Variants in HS2ST1 observed in about 807,000 individuals in gnomAD.
HS2ST1 encodes the protein 2-O-sulfotransferase.
HS2ST1 carries 18 observed loss-of-function variants against 42.9 expected under a neutral mutation model. That is an observed-to-expected ratio of 0.42 (90% CI 0.29 to 0.62). HS2ST1 has a LOEUF of 0.62. Ranked by LOEUF, HS2ST1 falls within the 20% of genes least tolerant of loss-of-function variation. The pLI is 0.21. For missense variants in HS2ST1, 334 were observed against 433.8 expected (o/e 0.77, Z 2.04); for synonymous variants, 146 against 152.9 (o/e 0.95, Z 0.33).
At chr1:87,016,963 C>G (rs1478039680) in intron 1 of HS2ST1, among the ~76,000 whole-genome samples, 1 of 151,542 alleles carries the variant, frequency 6.6e-6, no homozygotes, top group African/African-American at 2.4e-5. Flanking sequence ...CTTTAGGGTG[C>G]CTTAGGCACC....
intron 5 of HS2ST1, among the ~76,000 whole-genome samples, chr1:87,102,752 CTT>C (rs1652247167): frequency 6.6e-6 from 1 of 152,054 alleles, no homozygotes; most frequent in African/African-American, 2.4e-5. Flanking sequence ...CCCTCCCCCT[CTT>C]TGTTTTTTTT....
At chr1:87,062,844 C>T (rs537492362) in intron 1 of HS2ST1, among the ~76,000 whole-genome samples, 1 of 152,070 alleles carries the variant, frequency 6.6e-6, no homozygotes, top group Non-Finnish European at 1.5e-5. Flanking sequence ...AACATTGTGC[C>T]ACTTCCTATT....
At chr1:87,037,934 C>G (rs1158394571) in intron 1 of HS2ST1, among the ~76,000 whole-genome samples, 1 of 151,874 alleles carries the variant, frequency 6.6e-6, no homozygotes, top group Admixed American at 6.6e-5. Flanking sequence ...GAACATTTTT[C>G]TTCATATTTT....
chr1:87,017,580 A>T (rs1310422927), intron 1 of HS2ST1, among the ~76,000 whole-genome samples: 1 of 152,244 alleles, frequency 6.6e-6, no homozygotes, highest in African/African-American at 2.4e-5. Context: ...AAGAGAAGAC[A>T]GCGGGCACAG....
intron 3 of HS2ST1, among the ~76,000 whole-genome samples, chr1:87,086,190 G>A (rs1162433561): frequency 2.6e-5 from 4 of 152,086 alleles, no homozygotes; most frequent in African/African-American, 4.8e-5. Flanking sequence ...GATTACAGTC[G>A]TTCCTGGGGT....
chr1:87,069,443 T>C (rs1651345349), intron 1 of HS2ST1, among the ~76,000 whole-genome samples: 1 of 152,176 alleles, frequency 6.6e-6, no homozygotes, highest in South Asian at 2.1e-4. Flanking sequence ...AAAAAAAGAA[T>C]TATAACTATC....
At chr1:87,007,094 A>T in intron 1 of HS2ST1, among the ~76,000 whole-genome samples, 1 of 152,086 alleles carries the variant, frequency 6.6e-6, no homozygotes, top group East Asian at 1.9e-4. Context: ...TTCTGTATAG[A>T]TTATACCTAA....
intron 1 of HS2ST1, among the ~76,000 whole-genome samples, chr1:86,922,169 G>T (rs1350702329): frequency 1.4e-5 from 2 of 145,256 alleles, no homozygotes; most frequent in East Asian, 2.0e-4. Context: ...CTTTGTTGTT[G>T]TTTTTTTTTT....
intron 1 of HS2ST1, among the ~76,000 whole-genome samples, chr1:86,936,797 A>G (rs1660663280): frequency 6.6e-6 from 1 of 152,096 alleles, no homozygotes; most frequent in Non-Finnish European, 1.5e-5. Context: ...TGGAACTGGC[A>G]TTCCAGAATG....
intron 1 of HS2ST1, among the ~76,000 whole-genome samples, chr1:87,013,759 T>G (rs1649671173): frequency 6.6e-6 from 1 of 152,200 alleles, no homozygotes; most frequent in Admixed American, 6.5e-5. Context: ...TGTAAGTACA[T>G]AAAGCTGAAT....
intron 1 of HS2ST1, among the ~76,000 whole-genome samples, chr1:86,991,294 C>A (rs1364417148): frequency 6.6e-6 from 1 of 152,100 alleles, no homozygotes; most frequent in Non-Finnish European, 1.5e-5. Context: ...GGTAGCCCCC[C>A]TGAACATGAA....
chr1:87,034,768 A>G (rs777382928), intron 1 of HS2ST1, among the ~76,000 whole-genome samples: 13 of 152,232 alleles, frequency 8.5e-5, no homozygotes, highest in Non-Finnish European at 1.9e-4. Context: ...AAAGAGCCAG[A>G]TATGCCCATT....
At chr1:87,095,912 T>C (rs1465070708) in intron 4 of HS2ST1, among the ~76,000 whole-genome samples, 26 of 151,904 alleles carry the variant, frequency 1.7e-4, no homozygotes, top group Admixed American at 1.7e-3. Flanking sequence ...GTGGCATCGG[T>C]TTACATTTTT....
intron 2 of HS2ST1, among the ~76,000 whole-genome samples, chr1:87,078,421 T>C (rs998069276): frequency 3.3e-5 from 5 of 152,194 alleles, no homozygotes; most frequent in African/African-American, 1.2e-4. Flanking sequence ...CTGACTTGAG[T>C]CATCAAATCC....
chr1:87,101,147 G>GTTTTTTTTTTT (rs1557546414), intron 5 of HS2ST1, among the ~76,000 whole-genome samples: 3 of 75,916 alleles, frequency 4.0e-5, no homozygotes, highest in Non-Finnish European at 7.6e-5. Context: ...GTGTGTGTGT[G>GTTTTTTTTTTT]TGTTTTTTGT....
intron 1 of HS2ST1, chr1:86,956,344 T>C (rs1647676552): frequency 6.6e-6 from 1 of 152,218 alleles, no homozygotes; most frequent in African/African-American, 2.4e-5. Context: ...AAAGCCAGGA[T>C]TTTTCTGAAG....
intron 1 of HS2ST1, among the ~76,000 whole-genome samples, chr1:87,025,639 G>T (rs757103982): frequency 2.0e-5 from 3 of 152,062 alleles, no homozygotes; most frequent in East Asian, 1.9e-4. Context: ...AGGAATTTGC[G>T]TGTACATATA....
intron 3 of HS2ST1, among the ~76,000 whole-genome samples, chr1:87,090,801 C>A (rs1301675533): frequency 6.6e-6 from 1 of 151,924 alleles, no homozygotes; most frequent in Admixed American, 6.6e-5. Flanking sequence ...CTTTTTGATT[C>A]TACAGGCAGC....
chr1:87,032,888 C>A (rs1285699382), intron 1 of HS2ST1, among the ~76,000 whole-genome samples: 1 of 152,164 alleles, frequency 6.6e-6, no homozygotes, highest in African/African-American at 2.4e-5. Context: ...GGGTAAACAG[C>A]TGACTCAGTT....
Sources: gnomAD v4.1 joint callset for allele counts (sites outside exome capture counted in the v4.1 genomes callset) on GRCh38, gnomAD v4.1.1 for gene constraint, MANE v1.5 for transcripts, NCBI Gene and HGNC (gene_info 2026-07-23, HGNC 2026-07-21) for gene names.